The following PLEKHA5 variants were observed in gnomAD, a reference collection of about 807,000 sequenced individuals.
PLEKHA5 encodes pleckstrin homology domain-containing family A member 5.
PLEKHA5 carries 55 observed loss-of-function variants against 181.9 expected under a neutral mutation model. The observed-to-expected ratio is 0.30, with a 90% confidence interval of 0.24 to 0.38. The LOEUF is 0.38. Among genes scored for constraint, PLEKHA5 ranks in the 10% least tolerant of loss-of-function variants. PLEKHA5 has a pLI of 1.00. For missense variants in PLEKHA5, 1,432 were observed against 1,549.5 expected (o/e 0.92, Z 1.27); for synonymous variants, 535 against 529.4 (o/e 1.01, Z -0.15).
In PLEKHA5 at chr12:19,305,298, C is replaced by G. The variant is rs1368910037; in HGVS notation, c.2038-9516C>G. Among the ~76,000 whole-genome samples, 8 of 152,314 alleles carry G rather than the reference C, an allele frequency of 5.3e-5. No individual in the cohort carries two copies. The East Asian group carries it at 1.4e-3, about 26-fold the overall frequency. ...ATTCAATAGGTGGGGTGCAGTGGCT[C>G]ACGCCTGTAATTCCAGCACTTTGGG... On this transcript the variant is annotated intron_variant, in intron 15 of 31. Coordinates refer to ENST00000429027, the MANE Select transcript of PLEKHA5 (RefSeq NM_001256470.2).
At chr12:19,164,078 CTTTG>C (rs914937663) in intron 3 of PLEKHA5, among the ~76,000 whole-genome samples, 5 of 152,038 alleles carry the variant, frequency 3.3e-5, no homozygotes, top group Non-Finnish European at 5.9e-5. Context: ...ACTCTTTTCA[CTTTG>C]TTTTATTTCT....
chr12:19,263,497 T>C (rs2069230883), intron 7 of PLEKHA5, among the ~76,000 whole-genome samples: 1 of 152,186 alleles, frequency 6.6e-6, no homozygotes, highest in African/African-American at 2.4e-5. Flanking sequence ...TCTCCATTTC[T>C]CAAAGCATCT....
chr12:19,208,044 A>G (rs763098007), intron 3 of PLEKHA5, among the ~76,000 whole-genome samples: 1 of 152,020 alleles, frequency 6.6e-6, no homozygotes, highest in African/African-American at 2.4e-5. Context: ...CTCATTCTCT[A>G]CTCTAGAGAA....
intron 10 of PLEKHA5, among the ~76,000 whole-genome samples, chr12:19,272,804 T>C (rs1592277953): frequency 6.6e-6 from 1 of 152,180 alleles, no homozygotes; most frequent in Non-Finnish European, 1.5e-5. Context: ...ACAGTAAATA[T>C]GTTTTAAAAA....
chr12:19,280,933 A>G (rs905963969), intron 11 of PLEKHA5, among the ~76,000 whole-genome samples: 3 of 150,920 alleles, frequency 2.0e-5, no homozygotes, highest in African/African-American at 7.3e-5. Flanking sequence ...CTGGTCTTGA[A>G]CTCCTGGCCT....
At chr12:19,340,826 A>G (rs1181427807) in intron 21 of PLEKHA5, among the ~76,000 whole-genome samples, 5 of 150,154 alleles carry the variant, frequency 3.3e-5, no homozygotes, top group Non-Finnish European at 5.9e-5. Context: ...GGAAGGCCGC[A>G]GGGTCCTCTG....
At chr12:19,240,053 A>G (rs1565504906) in intron 3 of PLEKHA5, among the ~76,000 whole-genome samples, 1 of 152,256 alleles carries the variant, frequency 6.6e-6, no homozygotes, top group Non-Finnish European at 1.5e-5. Context: ...TCATAGGAAT[A>G]TCATTTGACT....
At chr12:19,233,529 C>A (rs1363803565) in intron 3 of PLEKHA5, among the ~76,000 whole-genome samples, 1 of 152,048 alleles carries the variant, frequency 6.6e-6, no homozygotes, top group East Asian at 1.9e-4. Context: ...ATTCAGAACA[C>A]CTCAATGCTG....
rs1351167632 is a variant in PLEKHA5, at chr12:19,291,657, C to T, written c.1997C>T (p.Ser666Leu). The T allele has an allele frequency of 2.0e-6, 3 of 1,516,396 alleles. No homozygotes were observed. The highest frequency in any genetic ancestry group is 4.9e-5 in the East Asian group (2 of 40,674). 93.9% of individuals were successfully genotyped at this position (1,516,396 alleles called of 1,614,324 possible). A position where few individuals can be genotyped will look rare whatever the true frequency, so the allele number is the denominator to read the frequency against. ...EAHSPKNEIL[S>L]HHLQRNTIYL... ...GGTGCCTACTAGAATGAAATTCTTT[C>T]ACATCATCTCCAAAGGAACACCATA... The change falls in exon 15 of 32, where the codon TCA becomes TTA. Residue 666 changes from serine (S) to leucine (L), a missense_variant. This residue lies in a region of PLEKHA5 where 1,143 missense variants were observed against 1,168.4 expected (regional missense o/e 0.98). Transcript: ENST00000429027.
chr12:19,277,698 G>A (rs16915309), intron 11 of PLEKHA5, among the ~76,000 whole-genome samples: 22,654 of 152,044 alleles, frequency 0.15, 1,801 homozygotes, highest in African/African-American at 0.21. Flanking sequence ...TTTATTGGTG[G>A]AATGAAACAA....
intron 3 of PLEKHA5, among the ~76,000 whole-genome samples, chr12:19,246,798 A>G (rs535632345): frequency 6.6e-6 from 1 of 152,268 alleles, no homozygotes; most frequent in South Asian, 2.1e-4. Flanking sequence ...GAATCTTAAT[A>G]CCAAATTTCT....
chr12:19,176,190 CTG>C (rs1196947900), intron 3 of PLEKHA5: 6 of 151,456 alleles, frequency 4.0e-5, no homozygotes, highest in African/African-American at 1.2e-4. Flanking sequence ...CTCTCTCTCT[CTG>C]TCCCCCCCCC....
chr12:19,164,344 G>A (rs894936526), intron 3 of PLEKHA5, among the ~76,000 whole-genome samples: 5 of 151,736 alleles, frequency 3.3e-5, no homozygotes, highest in African/African-American at 7.3e-5. Flanking sequence ...GATTACAGGC[G>A]TGTGTCACCA....
chr12:19,234,429 G>A (rs1471313655), intron 3 of PLEKHA5, among the ~76,000 whole-genome samples: 1 of 152,140 alleles, frequency 6.6e-6, no homozygotes, highest in Non-Finnish European at 1.5e-5. Flanking sequence ...GTAAACGGTG[G>A]CTGTATTAAA....
chr12:19,246,614 CAAA>C (rs71440397), intron 3 of PLEKHA5, among the ~76,000 whole-genome samples: 1 of 96,668 alleles, frequency 1.0e-5, no homozygotes. Context: ...AGAGCAAGAC[CAAA>C]AAAAAAAAAA....
intron 3 of PLEKHA5, among the ~76,000 whole-genome samples, chr12:19,229,550 T>C (rs1396080432): frequency 6.6e-6 from 1 of 152,106 alleles, no homozygotes; most frequent in Non-Finnish European, 1.5e-5. Flanking sequence ...GGGTTTGTGG[T>C]CTCGCTGGCC....
Position 19,322,549 on chromosome 12 carries a change from G to A in PLEKHA5, c.2330G>A (p.Ser777Asn), listed in dbSNP as rs750268338. The A allele has an allele frequency of 3.1e-6, 5 of 1,613,994 alleles. No homozygotes were observed. The South Asian group carries it at 5.5e-5, about 18-fold the overall frequency. ...CTTGAGCAAGCTTTGCTATCAGCCA[G>A]CCAAGAGATAGAAATGCATGCAGAT... The part of the protein sequence containing the change: ...YTLEQALLSA[S>N]QEIEMHADNP... Residue 777 changes from serine to asparagine, a missense_variant, in exon 20 of 32, where the codon AGC (serine) becomes AAC (asparagine). By Grantham distance (46) the Ser-to-Asn change is conservative. Around this residue, in one of 2 missense-constraint regions of PLEKHA5, gnomAD observed 1,143 missense variants for 1,168.4 expected, o/e 0.98. Coordinates refer to ENST00000429027, the MANE Select transcript of PLEKHA5 (RefSeq NM_001256470.2).
chr12:19,183,400 TAC>T (rs1403024027), intron 3 of PLEKHA5, among the ~76,000 whole-genome samples: 1 of 152,210 alleles, frequency 6.6e-6, no homozygotes, highest in Non-Finnish European at 1.5e-5. Context: ...GTACTTTTCC[TAC>T]ATGTTCACTT....
chr12:19,369,015 T>A (rs904252492), intron 30 of PLEKHA5, among the ~76,000 whole-genome samples: 1 of 152,068 alleles, frequency 6.6e-6, no homozygotes, highest in African/African-American at 2.4e-5. Context: ...AAAGTATTTT[T>A]TTTGTTTGTT....
Sources: allele counts gnomAD v4.1 joint callset (sites outside exome capture counted in the v4.1 genomes callset), GRCh38; gene constraint gnomAD v4.1.1; regional missense constraint gnomAD v4.1.1; transcripts MANE v1.5; gene names NCBI Gene and HGNC (gene_info 2026-07-23, HGNC 2026-07-21).